BICC1: variants seen among roughly 807,000 people sequenced by gnomAD.
BICC1 encodes the protein protein bicaudal C homolog 1.
A neutral mutation model predicts 111.0 loss-of-function variants in BICC1; 43 were observed. That is an observed-to-expected ratio of 0.39 (90% CI 0.30 to 0.50). The LOEUF (loss-of-function observed/expected upper bound fraction) is 0.50, where lower values mean the gene tolerates loss of function less well. Ranked by LOEUF, BICC1 falls within the 20% of genes least tolerant of loss-of-function variation. The probability of loss-of-function intolerance (pLI) is 0.88; values close to 1 mark genes in which losing one functional copy is unlikely to be tolerated. For synonymous variants in BICC1, 467 were observed against 434.4 expected, an observed-to-expected ratio of 1.07 and a Z score of -0.93; for missense variants, 1,091 against 1,203.2, an observed-to-expected ratio of 0.91 and a Z score of 1.38.
intron 1 of BICC1, among the ~76,000 whole-genome samples, chr10:58,536,426 A>C (rs997086949): frequency 1.3e-4 from 20 of 151,784 alleles, no homozygotes; most frequent in Non-Finnish European, 3.0e-4. Context: ...AATCCTCAAA[A>C]CTGTATAAAT....
intron 2 of BICC1, among the ~76,000 whole-genome samples, chr10:58,639,564 ATTGTTT>A (rs1564525953): frequency 1.8e-5 from 1 of 56,484 alleles, no homozygotes; most frequent in African/African-American, 7.5e-5. Flanking sequence ...CACCCAGCTA[ATTGTTT>A]TTTTTTTTTT....
chr10:58,753,933 C>T (rs573358760), intron 3 of BICC1, among the ~76,000 whole-genome samples: 3 of 152,096 alleles, frequency 2.0e-5, no homozygotes, highest in East Asian at 3.9e-4. Context: ...TTAAAATTGA[C>T]AGTAGATGAT....
At chr10:58,634,919 G>A (rs902538200) in intron 2 of BICC1, among the ~76,000 whole-genome samples, 2 of 152,146 alleles carry the variant, frequency 1.3e-5, no homozygotes, top group South Asian at 4.1e-4. Context: ...AGTGGAAGTG[G>A]ATCATCATAA....
chr10:58,595,388 C>A (rs1034400729), intron 1 of BICC1, among the ~76,000 whole-genome samples: 3 of 152,280 alleles, frequency 2.0e-5, no homozygotes, highest in Middle Eastern at 3.4e-3. Flanking sequence ...ACAGAACTCT[C>A]CACTGCAGAT....
chr10:58,551,936 T>C (rs1311342870), intron 1 of BICC1, among the ~76,000 whole-genome samples: 1 of 143,994 alleles, frequency 6.9e-6, no homozygotes, highest in Non-Finnish European at 1.5e-5. Flanking sequence ...CTGAAATGTT[T>C]ATAAAATATA....
intron 3 of BICC1, among the ~76,000 whole-genome samples, chr10:58,714,872 A>T (rs1163880393): frequency 7.6e-6 from 1 of 131,350 alleles, no homozygotes; most frequent in Non-Finnish European, 1.6e-5. Flanking sequence ...CTCATTAGCT[A>T]AAAAAAAAAA....
At chr10:58,729,957 C>G (rs1403978197) in intron 3 of BICC1, among the ~76,000 whole-genome samples, 1 of 152,106 alleles carries the variant, frequency 6.6e-6, no homozygotes, top group African/African-American at 2.4e-5. Context: ...CTCCCCTGAC[C>G]CCACAGATCT....
intron 3 of BICC1, chr10:58,716,169 A>T: frequency 6.7e-7 from 1 of 1,499,994 alleles, no homozygotes; most frequent in Non-Finnish European, 9.1e-7. Flanking sequence ...AGGTGCGAGC[A>T]AAAAAGAAGA....
At chr10:58,741,218 T>C (rs4948314) in intron 3 of BICC1, among the ~76,000 whole-genome samples, 150,234 of 152,328 alleles carry the variant, frequency 0.99, 74,130 homozygotes, top group Middle Eastern at 1. Context: ...ACTGTTGTAA[T>C]GGAAATGGCA....
chr10:58,696,163 G>A (rs1408938910), intron 2 of BICC1, among the ~76,000 whole-genome samples: 2 of 152,012 alleles, frequency 1.3e-5, no homozygotes, highest in African/African-American at 4.8e-5. Context: ...CCTTTTTAAT[G>A]TGGAAAAGAA....
At chr10:58,676,638 T>A (rs1051503428) in intron 2 of BICC1, among the ~76,000 whole-genome samples, 1 of 152,182 alleles carries the variant, frequency 6.6e-6, no homozygotes, top group African/African-American at 2.4e-5. Flanking sequence ...GCTTAAATGT[T>A]CCTGCCTGCT....
At position 58,820,393 on chromosome 10, in the gene BICC1, C is replaced by T. The variant is rs778287759; in HGVS notation, c.2719C>T (p.Leu907Phe). 2 of 1,611,728 alleles carry T rather than the reference C, an allele frequency of 1.2e-6. No individual in the cohort carries two copies. Among genetic ancestry groups the T allele is most frequent in the Non-Finnish European group, 1.7e-6 (2 of 1,178,354 alleles). ...GATCGATCTTCAGACATTCCTCACT[C>T]TCACAGATCAGGATCTGAAGGAGCT... ...QEIDLQTFLT[L>F]TDQDLKELGI... Residue 907 changes from leucine (L) to phenylalanine (F), a missense_variant, in exon 20 of 21, where the codon CTC becomes TTC. Coordinates refer to ENST00000373886, the MANE Select transcript of BICC1 (RefSeq NM_001080512.3).
intron 2 of BICC1, among the ~76,000 whole-genome samples, chr10:58,666,076 G>A (rs368789213): frequency 1.6e-3 from 248 of 152,314 alleles, no homozygotes; most frequent in Middle Eastern, 6.8e-3. Context: ...GCTTAATTGA[G>A]CAATGAATGA....
At chr10:58,768,378 G>C (rs1842517003) in intron 3 of BICC1, among the ~76,000 whole-genome samples, 1 of 152,160 alleles carries the variant, frequency 6.6e-6, no homozygotes, top group Non-Finnish European at 1.5e-5. Flanking sequence ...GTAAAGGAAG[G>C]AGAGATAAAG....
intron 2 of BICC1, among the ~76,000 whole-genome samples, chr10:58,636,987 G>A (rs1444186553): frequency 2.0e-5 from 3 of 150,788 alleles, no homozygotes; most frequent in Admixed American, 6.6e-5. Flanking sequence ...GTAGGATGAG[G>A]CACCTTCCAT....
intron 1 of BICC1, among the ~76,000 whole-genome samples, chr10:58,613,006 TA>T (rs1488045152): frequency 2.0e-5 from 3 of 152,328 alleles, no homozygotes; most frequent in Admixed American, 2.0e-4. Context: ...TTGCTGTTTT[TA>T]TTGGCAGTGG....
intron 1 of BICC1, among the ~76,000 whole-genome samples, chr10:58,513,980 A>G (rs1842173285): frequency 6.6e-6 from 1 of 152,164 alleles, no homozygotes; most frequent in Non-Finnish European, 1.5e-5. Flanking sequence ...ACACATCTTG[A>G]GTTACATTCA....
chr10:58,530,860 G>A (rs1427224), intron 1 of BICC1, among the ~76,000 whole-genome samples: 69,660 of 151,430 alleles, frequency 0.46, 17,076 homozygotes, highest in Admixed American at 0.62. Flanking sequence ...GAGGAATAGG[G>A]AGCACCAGAC....
At chr10:58,625,372 C>G (rs982674593) in intron 2 of BICC1, among the ~76,000 whole-genome samples, 1 of 152,132 alleles carries the variant, frequency 6.6e-6, no homozygotes, top group Non-Finnish European at 1.5e-5. Context: ...ACACATGTGA[C>G]TCATCAAAGC....
Sources: allele counts gnomAD v4.1 joint callset (sites outside exome capture counted in the v4.1 genomes callset), GRCh38; gene constraint gnomAD v4.1.1; transcripts MANE v1.5; gene names NCBI Gene and HGNC (gene_info 2026-07-23, HGNC 2026-07-21).